Variants in LGSN observed in about 807,000 individuals in gnomAD.
LGSN encodes the protein lengsin.
Under a neutral mutation model 19.5 loss-of-function variants are expected in LGSN, and 21 were observed. The ratio of observed to expected loss-of-function variants is 1.07; its 90% CI spans 0.76 to 1.55. The LOEUF (loss-of-function observed/expected upper bound fraction) is 1.55, where lower values mean the gene tolerates loss of function less well. LGSN is among the 40% of genes most tolerant of loss of function. The pLI is 0.00. For missense variants in LGSN, 673 were observed against 608.5 expected, an observed-to-expected ratio of 1.11 and a Z score of -1.12; for synonymous variants, 257 against 215.6, an observed-to-expected ratio of 1.19 and a Z score of -1.68.
chr6:63,311,852 C>G (rs1768641223), intron 1 of LGSN, among the ~76,000 whole-genome samples: 1 of 152,174 alleles, frequency 6.6e-6, no homozygotes, highest in African/African-American at 2.4e-5. Flanking sequence ...ACTCTTCTTT[C>G]TAAATAAAAT....
At chr6:63,481,242 C>T in the LGSN span, among the ~76,000 whole-genome samples, 1 of 152,080 alleles carries the variant, frequency 6.6e-6, no homozygotes, top group Non-Finnish European at 1.5e-5. Flanking sequence ...AATAAAACTA[C>T]ATATTAAGTA....
At chr6:63,429,473 C>T in the LGSN span, among the ~76,000 whole-genome samples, 2 of 152,086 alleles carry the variant, frequency 1.3e-5, no homozygotes, top group South Asian at 2.1e-4. Flanking sequence ...TGGTGGCTCA[C>T]GCCTGTAATC....
the LGSN span, among the ~76,000 whole-genome samples, chr6:63,331,981 C>G: frequency 6.6e-6 from 1 of 152,054 alleles, no homozygotes; most frequent in South Asian, 2.1e-4. Context: ...AGGGCCATAC[C>G]CTGAGGGAGG....
chr6:63,475,946 T>C, the LGSN span, among the ~76,000 whole-genome samples: 6 of 152,136 alleles, frequency 3.9e-5, no homozygotes, highest in Non-Finnish European at 7.3e-5. Context: ...AGGCAGGGTG[T>C]CTAGTAGCAA....
At chr6:63,342,823 T>C in the LGSN span, among the ~76,000 whole-genome samples, 1 of 152,234 alleles carries the variant, frequency 6.6e-6, no homozygotes, top group African/African-American at 2.4e-5. Context: ...CCCTAGCCTA[T>C]GTCAGCTTGA....
the LGSN span, among the ~76,000 whole-genome samples, chr6:63,565,521 T>C: frequency 6.6e-6 from 1 of 152,206 alleles, no homozygotes; most frequent in Non-Finnish European, 1.5e-5. Context: ...TTTGATATGA[T>C]GACTTGATAA....
chr6:63,439,367 T>A, the LGSN span, among the ~76,000 whole-genome samples: 1 of 151,532 alleles, frequency 6.6e-6, no homozygotes, highest in Non-Finnish European at 1.5e-5. Context: ...ATAATACAAT[T>A]AAAAATAATA....
chr6:63,420,019 G>A, the LGSN span, among the ~76,000 whole-genome samples: 2 of 145,108 alleles, frequency 1.4e-5, no homozygotes, highest in Non-Finnish European at 3.0e-5. Flanking sequence ...TGGCTAACAC[G>A]GTGAAACCCC....
the LGSN span, among the ~76,000 whole-genome samples, chr6:63,434,723 TTCCC>T: frequency 6.6e-6 from 1 of 151,506 alleles, no homozygotes; most frequent in Non-Finnish European, 1.5e-5. Flanking sequence ...CCAAAACCCA[TTCCC>T]CTCTCATGAT....
the LGSN span, among the ~76,000 whole-genome samples, chr6:63,537,025 A>G: frequency 6.6e-6 from 1 of 152,106 alleles, no homozygotes; most frequent in African/African-American, 2.4e-5. Flanking sequence ...TTAAGGTTAA[A>G]TAGTTTTAAA....
the LGSN span, among the ~76,000 whole-genome samples, chr6:63,332,665 G>A: frequency 6.6e-5 from 10 of 152,106 alleles, no homozygotes; most frequent in South Asian, 1.0e-3. Flanking sequence ...TGGCCGACAG[G>A]TGCCCGGTAT....
chr6:63,277,325 C>T lies in LGSN; in HGVS notation c.*2696G>A, dbSNP rs1224465357. 6.6e-6 allele frequency: 1 copy of T among 152,138 alleles called. No individual in the cohort carries two copies. Among genetic ancestry groups the T allele is most frequent in the Non-Finnish European group, 1.5e-5 (1 of 68,018 alleles). 9.4% of individuals were successfully genotyped at this position (152,138 alleles called of 1,614,324 possible). On this transcript the variant is annotated 3_prime_UTR_variant, in exon 4 of 4. Coordinates refer to ENST00000370657, the MANE Select transcript of LGSN (RefSeq NM_016571.3). Reference sequence around the variant, plus strand: ...CCACTTTATAGGGATGGGTTAGAGCCAATCCCATTTTTTGGATGTGTGGAT... The same window carrying T: ...CCACTTTATAGGGATGGGTTAGAGCTAATCCCATTTTTTGGATGTGTGGAT...
At chr6:63,420,251 C>T in the LGSN span, among the ~76,000 whole-genome samples, 1 of 152,062 alleles carries the variant, frequency 6.6e-6, no homozygotes, top group Non-Finnish European at 1.5e-5. Context: ...TAGACTTTTC[C>T]CTTCTGCATC....
At chr6:63,474,892 A>G in the LGSN span, among the ~76,000 whole-genome samples, 1 of 151,654 alleles carries the variant, frequency 6.6e-6, no homozygotes, top group Non-Finnish European at 1.5e-5. Flanking sequence ...CGTCTCAAAA[A>G]AAAAAAAAAA....
the LGSN span, among the ~76,000 whole-genome samples, chr6:63,551,934 G>A: frequency 1.3e-5 from 2 of 152,148 alleles, no homozygotes; most frequent in African/African-American, 4.8e-5. Context: ...TCTTAATCCA[G>A]TCTATCACTG....
chr6:63,314,022 G>C (rs1033232938), intron 1 of LGSN, among the ~76,000 whole-genome samples: 1 of 152,040 alleles, frequency 6.6e-6, no homozygotes, highest in African/African-American at 2.4e-5. Context: ...ATCTGGGATT[G>C]AAATAAAGGA....
chr6:63,473,107 G>A, the LGSN span, among the ~76,000 whole-genome samples: 1 of 151,828 alleles, frequency 6.6e-6, no homozygotes, highest in African/African-American at 2.4e-5. Flanking sequence ...CTGAGCTCAA[G>A]GAAAAGAAGT....
chr6:63,430,027 C>A, the LGSN span, among the ~76,000 whole-genome samples: 37 of 152,278 alleles, frequency 2.4e-4, no homozygotes, highest in African/African-American at 8.4e-4. Context: ...CAGACTTCTC[C>A]CTACATCTTA....
At chr6:63,452,522 C>T in the LGSN span, among the ~76,000 whole-genome samples, 1 of 151,956 alleles carries the variant, frequency 6.6e-6, no homozygotes, top group Non-Finnish European at 1.5e-5. Context: ...TTTGTGACTT[C>T]AAAGGAATTT....
Sources: allele counts gnomAD v4.1 joint callset (sites outside exome capture counted in the v4.1 genomes callset), GRCh38; gene constraint gnomAD v4.1.1; transcripts MANE v1.5; gene names NCBI Gene and HGNC (gene_info 2026-07-23, HGNC 2026-07-21).